LMF1: variants seen among roughly 807,000 people sequenced by gnomAD.
The protein encoded by LMF1 is lipase maturation factor 1, also known as transmembrane protein 112.
LMF1 carries 68 observed loss-of-function variants against 60.6 expected under a neutral mutation model. That is an observed-to-expected ratio of 1.12 (90% CI 0.92 to 1.37). The LOEUF (loss-of-function observed/expected upper bound fraction) is 1.37. LMF1 is among the 40% of genes most tolerant of loss of function. The pLI, the probability that LMF1 is intolerant of heterozygous loss-of-function variation, is 0.00. For synonymous variants in LMF1, 418 were observed against 324.7 expected (o/e 1.29, Z -3.09); for missense variants, 948 against 767.2 (o/e 1.24, Z -2.78).
At chr16:950,598 C>CAGAGACAACGACAGAGTT (rs1454125714) in intron 2 of LMF1, among the ~76,000 whole-genome samples, 1 of 140,712 alleles carries the variant, frequency 7.1e-6, no homozygotes, top group Non-Finnish European at 1.5e-5. Context: ...ATGACAGAGT[C>CAGAGACAACGACAGAGTT]AGAGACAACG....
intron 5 of LMF1, 88 bp from the exon 6 acceptor site, chr16:879,825 C>G (rs921614596): frequency 1.8e-4 from 242 of 1,332,490 alleles, no homozygotes; most frequent in Non-Finnish European, 2.4e-4. Context: ...GCCCCCTGAC[C>G]CCGGCTCCTA....
intron 4 of LMF1, chr16:905,119 G>A (rs2070939776): frequency 5.9e-6 from 1 of 169,504 alleles, no homozygotes; most frequent in African/African-American, 2.7e-5. Context: ...TCTGCTGCGT[G>A]GTGGTGACCT....
intron 3 of LMF1, among the ~76,000 whole-genome samples, chr16:917,448 C>T (rs2071313305): frequency 7.3e-6 from 1 of 136,330 alleles, no homozygotes; most frequent in Non-Finnish European, 1.5e-5. Context: ...CGGGCGCAGG[C>T]CCACGTGAAG....
chr16:916,993 G>C (rs530425263), intron 3 of LMF1, among the ~76,000 whole-genome samples: 1 of 152,168 alleles, frequency 6.6e-6, no homozygotes, highest in Non-Finnish European at 1.5e-5. Flanking sequence ...TCTGCGCAGC[G>C]AGCTCTGAGA....
intron 4 of LMF1, among the ~76,000 whole-genome samples, chr16:906,228 A>G (rs1196374599): frequency 6.6e-6 from 1 of 152,188 alleles, no homozygotes; most frequent in Admixed American, 6.5e-5. Flanking sequence ...GGATGCAGCT[A>G]TCTGTCCTCA....
intron 2 of LMF1, chr16:947,503 C>T (rs1432794042): frequency 4.4e-6 from 2 of 455,990 alleles, no homozygotes; most frequent in Non-Finnish European, 8.8e-6. Flanking sequence ...CCCCTCCAGC[C>T]CTGGCGCTGC....
At chr16:980,138 G>A (rs1596194420) in intron 1 of LMF1, 1 of 242,764 alleles carries the variant, frequency 4.1e-6, no homozygotes, top group East Asian at 1.1e-4. Context: ...TGGCTGCAGA[G>A]ATGAGACCGC....
At chr16:979,596 C>T (rs1490552248) in intron 1 of LMF1, 1 of 453,480 alleles carries the variant, frequency 2.2e-6, no homozygotes, top group East Asian at 7.0e-5. Context: ...GCTGGAGTTC[C>T]CCACCTGTGT....
intron 1 of LMF1, chr16:977,179 C>A: frequency 2.3e-6 from 1 of 440,462 alleles, no homozygotes; most frequent in Non-Finnish European, 4.6e-6. Flanking sequence ...AAGGCCAGTT[C>A]TCAGGCAGAC....
At chr16:979,267 G>A (rs898006070) in intron 1 of LMF1, 2 of 364,848 alleles carry the variant, frequency 5.5e-6, no homozygotes, top group Admixed American at 6.6e-5. Context: ...GTGGACCAGA[G>A]ATGACTCTGG....
At chr16:864,390 A>G (rs888985647) in intron 10 of LMF1, among the ~76,000 whole-genome samples, 3 of 152,220 alleles carry the variant, frequency 2.0e-5, no homozygotes, top group African/African-American at 7.2e-5. Flanking sequence ...TAGGAACCGC[A>G]CTGTGAGTGC....
intron 1 of LMF1, chr16:979,398 T>G (rs1292228748): frequency 3.3e-6 from 1 of 299,292 alleles, no homozygotes; most frequent in African/African-American, 2.5e-5. Flanking sequence ...CCACAGAGAC[T>G]CCCCACCTCC....
chr16:879,923 G>A (rs2070115123), intron 5 of LMF1, among the ~76,000 whole-genome samples, 186 bp from the exon 6 acceptor site: 1 of 152,240 alleles, frequency 6.6e-6, no homozygotes, highest in Non-Finnish European at 1.5e-5. Context: ...CATTCAGGGA[G>A]CTTTTGAAGC....
Position 889,360 on chromosome 16 carries a change from ATGG to A in LMF1, c.729+3644_729+3646del, listed in dbSNP as rs1333623621. 5.8e-3 allele frequency among the ~76,000 whole-genome samples: 863 copies of A among 147,850 alleles called. 11 individuals are homozygous for A. The highest frequency in any genetic ancestry group is 0.019 in the African/African-American group (776 of 40,466). Reference sequence around the variant, plus strand: ...GTGAGTGTGGGGTGTGAGGCTGCGGATGGCCATGGGTGTGAGGCTGCGGATGGC... The same window carrying A: ...GTGAGTGTGGGGTGTGAGGCTGCGGACCATGGGTGTGAGGCTGCGGATGGC... On this transcript the variant is annotated intron_variant, in intron 5 of 10. Transcript: ENST00000262301.
chr16:915,323 T>C (rs1237209987), intron 3 of LMF1, among the ~76,000 whole-genome samples: 2 of 151,980 alleles, frequency 1.3e-5, no homozygotes, highest in African/African-American at 4.8e-5. Flanking sequence ...CACAGGGTGG[T>C]GCGGAGAGCC....
chr16:966,745 G>A (rs1227130958), intron 1 of LMF1, among the ~76,000 whole-genome samples: 2 of 152,192 alleles, frequency 1.3e-5, no homozygotes, highest in East Asian at 3.9e-4. Flanking sequence ...CCTCATCAGT[G>A]ACAGGAAGGT....
rs2071638231 is a variant in LMF1, at chr16:927,297, A to C, written c.514+6947T>G. On this transcript the variant is annotated intron_variant, in intron 3 of 10. Transcript: ENST00000262301. Reference sequence around the variant, plus strand: ...ATGAAGAACACGACCAGACACTGAGACCAGAGACACGCAGGACCACAGTCA... The same window carrying C: ...ATGAAGAACACGACCAGACACTGAGCCCAGAGACACGCAGGACCACAGTCA... 3.3e-5 allele frequency among the ~76,000 whole-genome samples: 5 copies of C among 152,206 alleles called. No individual in the cohort carries two copies. In the South Asian group the frequency reaches 1.0e-3, roughly 32 times the overall value.
intron 5 of LMF1, among the ~76,000 whole-genome samples, chr16:880,224 G>A (rs2070123834): frequency 6.6e-6 from 1 of 151,988 alleles, no homozygotes; most frequent in Non-Finnish European, 1.5e-5. Flanking sequence ...AATGGGGCCC[G>A]GGTCCCGAGC....
intron 6 of LMF1, among the ~76,000 whole-genome samples, chr16:877,533 C>G (rs556038528): frequency 6.6e-6 from 1 of 152,306 alleles, no homozygotes; most frequent in East Asian, 1.9e-4. Context: ...TAACTCGCCA[C>G]GTTACAGACG....
Sources: allele counts gnomAD v4.1 joint callset (sites outside exome capture counted in the v4.1 genomes callset), GRCh38; gene constraint gnomAD v4.1.1; transcripts MANE v1.5; gene names NCBI Gene and HGNC (gene_info 2026-07-23, HGNC 2026-07-21).